The following ZXDC variants were observed in gnomAD, a reference collection of about 807,000 sequenced individuals.
ZXDC encodes zinc finger protein ZXDC.
Under a neutral mutation model 63.6 loss-of-function variants are expected in ZXDC, and 58 were observed. That is an observed-to-expected ratio of 0.91 (90% CI 0.74 to 1.13). ZXDC has a LOEUF of 1.13. Ranked by LOEUF, ZXDC falls within the 50% of genes most tolerant of loss-of-function variation. The pLI is 0.00. For missense variants in ZXDC, 1,133 were observed against 1,148.9 expected, an observed-to-expected ratio of 0.99 and a Z score of 0.20; for synonymous variants, 561 against 496.1, an observed-to-expected ratio of 1.13 and a Z score of -1.74.
At chr3:126,446,743 AAT>A (rs971112354) in intron 7 of ZXDC, among the ~76,000 whole-genome samples, 35 of 145,206 alleles carry the variant, frequency 2.4e-4, no homozygotes, top group Non-Finnish European at 4.2e-4. Context: ...ATAAAGATAT[AAT>A]ATGTTAATAT....
intron 8 of ZXDC, chr3:126,440,020 G>A (rs1195636289): frequency 1.6e-6 from 2 of 1,265,568 alleles, no homozygotes; most frequent in Non-Finnish European, 2.0e-6. Context: ...CCCTCCTAAG[G>A]CACGCTCCTC....
intron 6 of ZXDC, chr3:126,461,150 C>A (rs749084899): frequency 1.4e-5 from 14 of 995,856 alleles, no homozygotes; most frequent in African/African-American, 3.5e-5. Flanking sequence ...TTCCATTGAA[C>A]CTCTGAAGGT....
At chr3:126,450,393 C>T in intron 7 of ZXDC, 1 of 456,718 alleles carries the variant, frequency 2.2e-6, no homozygotes, top group Non-Finnish European at 4.4e-6. Context: ...TCCACGCACC[C>T]TCCCCTGTTA....
At chr3:126,451,927 G>C (rs1934119541) in intron 7 of ZXDC, 1 of 985,266 alleles carries the variant, frequency 1.0e-6, no homozygotes, top group Non-Finnish European at 1.2e-6. Context: ...GCATGTGAAG[G>C]ACACACGACA....
At chr3:126,459,575 C>G (rs780486347) in intron 7 of ZXDC, 78 bp downstream of exon 7, 48 of 1,604,908 alleles carry the variant, frequency 3.0e-5, no homozygotes, top group African/African-American at 4.0e-5. Context: ...GAAACACCTG[C>G]TGTGTTTCTT....
At chr3:126,451,885 T>C (rs1451905453) in intron 7 of ZXDC, 2 of 984,808 alleles carry the variant, frequency 2.0e-6, no homozygotes, top group African/African-American at 1.7e-5. Context: ...CTCCACCTCA[T>C]AGGGTTTTTG....
intron 7 of ZXDC, chr3:126,443,135 T>C (rs1933746242): frequency 6.6e-6 from 1 of 152,240 alleles, no homozygotes; most frequent in South Asian, 2.1e-4. Context: ...GCTCTTTTTC[T>C]TTGAAGTGCA....
Position 126,472,292 on chromosome 3 carries a change from T to G in ZXDC, c.921A>C (p.Thr307=), listed in dbSNP as rs766309056. The change falls in exon 2 of 10, where the codon ACA becomes ACC. Residue 307 remains threonine, a synonymous_variant. Coordinates refer to ENST00000389709, the MANE Select transcript of ZXDC (RefSeq NM_025112.5). The part of the protein sequence containing the change: ...YKCDFPGCEK[T]FITVSALFSH... ...AAAACAGGGCACTCACTGTGATAAA[T>G]GTCTTCTCACAGCCTGAACAAGGAA... is the stretch of plus-strand genomic sequence containing the variant. 1.1e-5 allele frequency: 17 copies of G among 1,608,642 alleles called. No homozygotes were observed. The Admixed American group carries it at 2.3e-4, about 22-fold the overall frequency.
intron 6 of ZXDC, chr3:126,460,167 A>C (rs995858502): frequency 1.0e-6 from 1 of 981,934 alleles, no homozygotes; most frequent in Admixed American, 6.2e-5. Context: ...CCCACTGTAC[A>C]GGCTGCTCTG....
At chr3:126,452,303 T>C in intron 7 of ZXDC, 2 of 985,474 alleles carry the variant, frequency 2.0e-6, no homozygotes, top group Non-Finnish European at 2.4e-6. Context: ...TGGAACCTGC[T>C]TGGACTTCTG....
chr3:126,454,396 A>G (rs1441229800), intron 7 of ZXDC: 1 of 985,318 alleles, frequency 1.0e-6, no homozygotes, highest in Non-Finnish European at 1.2e-6. Context: ...AGCAACCAAA[A>G]AGAGGAAAAA....
intron 6 of ZXDC, 50 bp downstream of exon 6, chr3:126,461,485 G>GT: frequency 2.6e-6 from 4 of 1,549,160 alleles, no homozygotes; most frequent in Non-Finnish European, 3.5e-6. Context: ...TCAAGACCGA[G>GT]TATGAGAGAA....
At chr3:126,458,095 AACAG>A (rs1356212117) in intron 7 of ZXDC, among the ~76,000 whole-genome samples, 2 of 152,234 alleles carry the variant, frequency 1.3e-5, no homozygotes, top group Non-Finnish European at 2.9e-5. Flanking sequence ...TTCTGATTCC[AACAG>A]ACAGTTACAT....
chr3:126,459,177 A>G (rs1232543196), intron 7 of ZXDC: 1 of 985,462 alleles, frequency 1.0e-6, no homozygotes. Flanking sequence ...TAAAAATGCA[A>G]GTAAGTTGCT....
At chr3:126,442,027 G>GA in intron 7 of ZXDC, 81 bp from the exon 8 acceptor site, 1 of 1,396,468 alleles carries the variant, frequency 7.2e-7, no homozygotes, top group Non-Finnish European at 9.3e-7. Flanking sequence ...TCACTATGGG[G>GA]AAGACAGCCT....
At chr3:126,466,914 C>G (rs770271930) in intron 4 of ZXDC, among the ~76,000 whole-genome samples, 12 of 152,156 alleles carry the variant, frequency 7.9e-5, no homozygotes, top group Non-Finnish European at 1.6e-4. Context: ...AAACAAGACA[C>G]ATTCAAAGTT....
chr3:126,451,196 TAAAACATTCACAATCTTAACACTCAGG>T, intron 7 of ZXDC: 2 of 985,326 alleles, frequency 2.0e-6, no homozygotes, highest in Non-Finnish European at 2.4e-6. Context: ...ATGATCATAA[TAAAACATTCACAATCTTAACACTCAGG>T]AAAACACCAC....
At chr3:126,451,280 C>T in intron 7 of ZXDC, 2 of 985,358 alleles carry the variant, frequency 2.0e-6, no homozygotes, top group Non-Finnish European at 2.4e-6. Flanking sequence ...GGTAAATGTA[C>T]ACAAAAATTT....
chr3:126,463,078 A>T (rs2087597), intron 5 of ZXDC, among the ~76,000 whole-genome samples: 125,428 of 147,426 alleles, frequency 0.85, 52,882 homozygotes, highest in East Asian at 0.93. Context: ...TATTATTATT[A>T]TTTTTTTTGA....
Sources: allele counts gnomAD v4.1 joint callset (sites outside exome capture counted in the v4.1 genomes callset), GRCh38; gene constraint gnomAD v4.1.1; transcripts MANE v1.5; gene names NCBI Gene and HGNC (gene_info 2026-07-23, HGNC 2026-07-21).